Variants in AGBL1 observed in about 807,000 individuals in gnomAD.
AGBL1 encodes the protein cytosolic carboxypeptidase 4.
In AGBL1, 130 loss-of-function variants were observed where a neutral mutation model predicts 118.9. The observed-to-expected ratio is 1.09, with a 90% CI of 0.95 to 1.26. The LOEUF (loss-of-function observed/expected upper bound fraction) is 1.26, where lower values mean the gene tolerates loss of function less well. Among genes scored for constraint, AGBL1 ranks in the 50% most tolerant of loss-of-function variants. The probability of loss-of-function intolerance (pLI) is 0.00; values close to 1 mark genes in which losing one functional copy is unlikely to be tolerated. For missense variants in AGBL1, 1,584 were observed against 1,298.1 expected, an observed-to-expected ratio of 1.22 and a Z score of -3.38; for synonymous variants, 555 against 478.9, an observed-to-expected ratio of 1.16 and a Z score of -2.08.
At chr15:86,950,812 C>T (rs2080873140) in intron 23 of AGBL1, among the ~76,000 whole-genome samples, 1 of 151,984 alleles carries the variant, frequency 6.6e-6, no homozygotes, top group Non-Finnish European at 1.5e-5. Context: ...TTAATCAATA[C>T]ATTAAAATGT....
chr15:86,562,615 G>A (rs1423228052), intron 21 of AGBL1, among the ~76,000 whole-genome samples: 1 of 152,032 alleles, frequency 6.6e-6, no homozygotes, highest in East Asian at 1.9e-4. Context: ...TTTTTTTGTT[G>A]TGTCTGTGCC....
At chr15:86,085,616 T>A (rs1329829261) in intron 1 of AGBL1, among the ~76,000 whole-genome samples, 1 of 152,190 alleles carries the variant, frequency 6.6e-6, no homozygotes, top group Non-Finnish European at 1.5e-5. Context: ...TTCCTATACC[T>A]GTTCCCAACT....
intron 21 of AGBL1, among the ~76,000 whole-genome samples, chr15:86,633,332 T>C (rs1022370089): frequency 1.3e-5 from 2 of 152,202 alleles, no homozygotes; most frequent in African/African-American, 4.8e-5. Flanking sequence ...CTGTGTTTGG[T>C]TGCACCATGA....
intron 22 of AGBL1, among the ~76,000 whole-genome samples, chr15:86,773,249 A>G (rs1162639020): frequency 6.6e-6 from 1 of 152,058 alleles, no homozygotes; most frequent in Non-Finnish European, 1.5e-5. Flanking sequence ...GAATATTTGA[A>G]TTCAACATGG....
At chr15:86,123,388 T>C (rs375586837) in intron 1 of AGBL1, among the ~76,000 whole-genome samples, 3 of 152,134 alleles carry the variant, frequency 2.0e-5, no homozygotes, top group East Asian at 3.9e-4. Flanking sequence ...TACAGGTGCT[T>C]GCCACCATGC....
chr15:86,709,053 A>C (rs779727213), intron 22 of AGBL1, among the ~76,000 whole-genome samples: 24 of 152,126 alleles, frequency 1.6e-4, no homozygotes, highest in Non-Finnish European at 1.9e-4. Flanking sequence ...TCAAATGCCA[A>C]ATTCCAATTC....
chr15:86,154,834 T>C (rs982482406), intron 4 of AGBL1, among the ~76,000 whole-genome samples: 4 of 152,104 alleles, frequency 2.6e-5, no homozygotes, highest in South Asian at 2.1e-4. Flanking sequence ...TACAGCATTG[T>C]AGGCTTTTCT....
At chr15:86,149,306 T>A (rs2077074693) in intron 3 of AGBL1, among the ~76,000 whole-genome samples, 1 of 152,214 alleles carries the variant, frequency 6.6e-6, no homozygotes, top group Non-Finnish European at 1.5e-5. Flanking sequence ...ATGGGCTGAA[T>A]GCTCCAATTA....
intron 17 of AGBL1, among the ~76,000 whole-genome samples, chr15:86,349,931 C>T (rs922352813): frequency 9.2e-4 from 140 of 152,136 alleles, no homozygotes; most frequent in African/African-American, 3.3e-3. Flanking sequence ...AAATAGTGAA[C>T]CTAGTTTATA....
chr15:86,905,373 G>C (rs988704923), intron 22 of AGBL1, among the ~76,000 whole-genome samples: 1 of 152,214 alleles, frequency 6.6e-6, no homozygotes, highest in African/African-American at 2.4e-5. Context: ...GAGCATCATT[G>C]CAAGTTCCAC....
In AGBL1 at chr15:86,913,734, G is replaced by A. The variant is rs1409546393; in HGVS notation, c.*6440G>A. On this transcript the variant is annotated 3_prime_UTR_variant, in exon 23 of 23. Coordinates refer to ENST00000614907, the MANE Select transcript of AGBL1 (RefSeq NM_001386094.1). ...AAGAAAAAAAATAGCCAGGCGTGAT[G>A]GTGCATGCCTGTAGTCCCAGCTACT... The A allele has an allele frequency of 1.3e-5, 2 of 152,212 alleles. No individual in the cohort carries two copies. The highest frequency in any genetic ancestry group is 1.3e-4 in the Admixed American group (2 of 15,282). 9.4% of individuals were successfully genotyped at this position (152,212 alleles called of 1,614,324 possible).
chr15:86,519,688 C>G (rs1240555504), intron 18 of AGBL1, among the ~76,000 whole-genome samples: 1 of 152,142 alleles, frequency 6.6e-6, no homozygotes, highest in African/African-American at 2.4e-5. Flanking sequence ...ACCATAGAGT[C>G]CTGAAGACAA....
At chr15:86,485,724 G>A (rs1027916731) in intron 18 of AGBL1, among the ~76,000 whole-genome samples, 6 of 152,074 alleles carry the variant, frequency 3.9e-5, no homozygotes, top group South Asian at 2.1e-4. Flanking sequence ...CCTGTGGACC[G>A]TAGTTTGCAA....
chr15:86,206,137 T>C (rs1567125354), intron 5 of AGBL1, among the ~76,000 whole-genome samples: 1 of 152,228 alleles, frequency 6.6e-6, no homozygotes, highest in Non-Finnish European at 1.5e-5. Flanking sequence ...ATAAAGGACA[T>C]GAACTCATCC....
intron 1 of AGBL1, among the ~76,000 whole-genome samples, chr15:86,095,381 T>C (rs1375212328): frequency 6.6e-6 from 1 of 152,150 alleles, no homozygotes; most frequent in Non-Finnish European, 1.5e-5. Context: ...TTAGTCTTTC[T>C]GGCAACCAGA....
intron 21 of AGBL1, among the ~76,000 whole-genome samples, chr15:86,580,264 T>C (rs1199794850): frequency 6.6e-6 from 1 of 152,204 alleles, no homozygotes; most frequent in Non-Finnish European, 1.5e-5. Context: ...ATTCTGACTA[T>C]AGTTTTCCTT....
chr15:86,106,493 G>T (rs1431227310), intron 1 of AGBL1, among the ~76,000 whole-genome samples: 1 of 152,204 alleles, frequency 6.6e-6, no homozygotes, highest in South Asian at 2.1e-4. Context: ...GGGCAATTTT[G>T]CCCCCAGGGG....
chr15:86,352,640 C>G (rs1199715201), intron 17 of AGBL1, among the ~76,000 whole-genome samples: 1 of 152,064 alleles, frequency 6.6e-6, no homozygotes, highest in East Asian at 1.9e-4. Flanking sequence ...CACTACTGCA[C>G]CTGACTAATT....
intron 18 of AGBL1, among the ~76,000 whole-genome samples, chr15:86,467,721 G>A (rs1211225752): frequency 6.6e-6 from 1 of 152,154 alleles, no homozygotes; most frequent in Non-Finnish European, 1.5e-5. Flanking sequence ...CCTTGGCTAG[G>A]TAGGGAGTTC....
Sources: gnomAD v4.1 joint callset for allele counts (sites outside exome capture counted in the v4.1 genomes callset) on GRCh38, gnomAD v4.1.1 for gene constraint, MANE v1.5 for transcripts, NCBI Gene and HGNC (gene_info 2026-07-23, HGNC 2026-07-21) for gene names.